CSF2RB: variants seen among roughly 807,000 people sequenced by gnomAD.
CSF2RB encodes colony stimulating factor 2 receptor subunit beta.
Under a neutral mutation model 67.2 loss-of-function variants are expected in CSF2RB, and 22 were observed. That is an observed-to-expected ratio of 0.33 (90% CI 0.23 to 0.47). The LOEUF (loss-of-function observed/expected upper bound fraction) is 0.47. Among genes scored for constraint, CSF2RB ranks in the 20% least tolerant of loss-of-function variants. The probability of loss-of-function intolerance (pLI) is 1.00; values close to 1 mark genes in which losing one functional copy is unlikely to be tolerated. For missense variants in CSF2RB, 1,113 were observed against 1,174.5 expected (o/e 0.95, Z 0.76); for synonymous variants, 507 against 482.9 (o/e 1.05, Z -0.65).
In CSF2RB at chr22:36,938,337, A is replaced by G. The variant is rs1314180824; in HGVS notation, c.2529A>G (p.Gly843=). 5.0e-6 allele frequency: 8 copies of G among 1,613,866 alleles called. No homozygotes were observed. Among genetic ancestry groups the G allele is most frequent in the Non-Finnish European group, 5.1e-6 (6 of 1,179,988 alleles). ...LSLRSKPSSP[G]PGPEIKNLDQ... is the part of the protein sequence containing the mutation. Reference sequence around the variant, plus strand: ...TCCGGAGTAAACCTTCTTCCCCGGGACCCGGTCCTGAGATCAAGAACCTAG... The same window carrying G: ...TCCGGAGTAAACCTTCTTCCCCGGGGCCCGGTCCTGAGATCAAGAACCTAG... The change falls in exon 14 of 14, where the codon GGA becomes GGG. Residue 843 remains glycine (G), a synonymous_variant. Coordinates refer to ENST00000403662, the MANE Select transcript of CSF2RB (RefSeq NM_000395.3).
intron 4 of CSF2RB, among the ~76,000 whole-genome samples, chr22:36,928,510 CAG>C (rs1209734828): frequency 6.6e-6 from 1 of 152,170 alleles, no homozygotes; most frequent in Non-Finnish European, 1.5e-5. Flanking sequence ...CCATGTCCAG[CAG>C]AGAGCACTTA....
At chr22:36,933,684 A>C in intron 9 of CSF2RB, 148 bp from the exon 10 acceptor site, 5 of 1,064,742 alleles carry the variant, frequency 4.7e-6, no homozygotes, top group South Asian at 1.4e-5. Flanking sequence ...GCCCTCAGGG[A>C]GGATCCACGG....
chr22:36,935,360 T>A lies in CSF2RB; in HGVS notation c.1325T>A (p.Met442Lys). The change falls in exon 11 of 14, where the codon ATG (methionine) becomes AAG (lysine). Residue 442 changes from methionine to lysine, a missense_variant. This residue lies in a region of CSF2RB where 559 missense variants were observed against 656.5 expected (regional missense o/e 0.85). Transcript: ENST00000403662. ...RSWDTESVLP[M>K]WVLALIVIFL... is the part of the protein sequence containing the mutation. The stretch of plus-strand genomic sequence containing the variant: ...CCCCGGCTGCTGGAAGTGCTGCCTA[T>A]GTGGGTGCTGGCCCTCATCGTGATC... 1 of 1,614,138 alleles carries A rather than the reference T, an allele frequency of 6.2e-7. No homozygotes were observed. Among genetic ancestry groups the A allele is most frequent in the Non-Finnish European group, 8.5e-7 (1 of 1,180,008 alleles).
chr22:36,938,703 A>G lies in CSF2RB; in HGVS notation c.*201A>G. ...CCTGCGCTCACACAGACACACACAC[A>G]CACACGTACATGCACACATTTTTCC... is the stretch of plus-strand genomic sequence containing the variant. On this transcript the variant is annotated 3_prime_UTR_variant, in exon 14 of 14. Transcript: ENST00000403662. 1 of 597,276 alleles carries G rather than the reference A, an allele frequency of 1.7e-6. No homozygotes were observed. The highest frequency in any genetic ancestry group is 2.2e-5 in the South Asian group (1 of 46,210). 37.0% of individuals were successfully genotyped at this position (597,276 alleles called of 1,614,324 possible). A position where few individuals can be genotyped will look rare whatever the true frequency, so the allele number is the denominator to read the frequency against.
chr22:36,936,253 G>A (rs1941263717), intron 12 of CSF2RB, among the ~76,000 whole-genome samples: 1 of 152,098 alleles, frequency 6.6e-6, no homozygotes, highest in African/African-American at 2.4e-5. Flanking sequence ...CCTGTGGAGG[G>A]GTCTCTTGGC....
intron 4 of CSF2RB, among the ~76,000 whole-genome samples, chr22:36,926,816 C>G (rs1941027492): frequency 6.6e-6 from 1 of 152,162 alleles, no homozygotes; most frequent in South Asian, 2.1e-4. Context: ...GTCCTGGATT[C>G]AAGGAAATGG....
intron 6 of CSF2RB, 77 bp from the exon 7 acceptor site, chr22:36,930,298 A>C: frequency 6.3e-7 from 1 of 1,588,498 alleles, no homozygotes; most frequent in Non-Finnish European, 8.6e-7. Flanking sequence ...CTGTGTGATG[A>C]ATCACACGGT....
intron 1 of CSF2RB, among the ~76,000 whole-genome samples, chr22:36,915,319 A>C (rs964549517): frequency 6.6e-6 from 1 of 152,098 alleles, no homozygotes; most frequent in African/African-American, 2.4e-5. Flanking sequence ...TCCTGACCTC[A>C]GATGATCCGC....
At chr22:36,924,903 G>T in intron 3 of CSF2RB, among the ~76,000 whole-genome samples, 1 of 152,090 alleles carries the variant, frequency 6.6e-6, no homozygotes, top group Non-Finnish European at 1.5e-5. Context: ...CCTCCTCTCT[G>T]CTGTATCCAC....
In CSF2RB at chr22:36,915,422, TTATA is replaced by T. The variant is rs35022648; in HGVS notation, c.-173+1761_-173+1764del. Among the ~76,000 whole-genome samples the T allele has an allele frequency of 5.3e-3, 782 of 146,398 alleles. 5 individuals are homozygous for T. The highest frequency in any genetic ancestry group is 0.019 in the African/African-American group (754 of 40,384). On this transcript the variant is annotated intron_variant, in intron 1 of 13. Transcript: ENST00000403662. ...TTTTACAGAAATGGGATTATTTTAT[TTATA>T]TATATATATATATATTCCTAATTTT...
rs73405902 is a variant in CSF2RB at position 36,936,607 on chromosome 22, C to T, written c.1523C>T (p.Pro508Leu). The change falls in exon 13 of 14, where the codon CCC becomes CTC. Residue 508 changes from proline (P) to leucine (L), a missense_variant. Transcript: ENST00000403662. ...ATGTCGGCCTTCACTAGCGGGAGTCCCCCACACCAGGGGCCGTGGGGCAGC... is the reference window on the plus strand; with the variant it reads ...ATGTCGGCCTTCACTAGCGGGAGTCTCCCACACCAGGGGCCGTGGGGCAGC... The part of the protein sequence containing the change: ...GSMSAFTSGS[P>L]PHQGPWGSRF... 2 of 1,613,604 alleles carry T rather than the reference C, an allele frequency of 1.2e-6. No homozygotes were observed. Among genetic ancestry groups the T allele is most frequent in the South Asian group, 2.2e-5 (2 of 91,068 alleles).
At chr22:36,930,950 A>T in intron 8 of CSF2RB, 120 bp downstream of exon 8, 1 of 1,280,834 alleles carries the variant, frequency 7.8e-7, no homozygotes, top group Non-Finnish European at 1.1e-6. Flanking sequence ...TTTCAAAGAG[A>T]TGCAGTCCAG....
chr22:36,935,367 G>A lies in CSF2RB; in HGVS notation c.1332G>A (p.Val444=). The A allele has an allele frequency of 1.2e-6, 2 of 1,614,238 alleles. No individual in the cohort carries two copies. The highest frequency in any genetic ancestry group is 1.3e-5 in the African/African-American group (1 of 75,056). The stretch of plus-strand genomic sequence containing the variant: ...TGCTGGAAGTGCTGCCTATGTGGGT[G>A]CTGGCCCTCATCGTGATCTTCCTCA... ...WDTESVLPMW[V]LALIVIFLTI... The change falls in exon 11 of 14, where the codon GTG becomes GTA. Residue 444 remains valine (V), a synonymous_variant. Coordinates refer to ENST00000403662, the MANE Select transcript of CSF2RB (RefSeq NM_000395.3).
intron 3 of CSF2RB, among the ~76,000 whole-genome samples, chr22:36,925,609 C>T (rs1940996694): frequency 6.6e-6 from 1 of 152,194 alleles, no homozygotes; most frequent in Non-Finnish European, 1.5e-5. Flanking sequence ...CGTGCTGTTC[C>T]CATTTCCTGA....
chr22:36,934,065 C>T, intron 10 of CSF2RB, 71 bp downstream of exon 10: 1 of 1,581,598 alleles, frequency 6.3e-7, no homozygotes, highest in Non-Finnish European at 8.6e-7. Context: ...AGAAAATCCC[C>T]AATGCAGCAG....
At chr22:36,915,233 A>C (rs1807545) in intron 1 of CSF2RB, among the ~76,000 whole-genome samples, 64,820 of 151,760 alleles carry the variant, frequency 0.43, 16,344 homozygotes, top group Admixed American at 0.57. Flanking sequence ...TACAGGCATG[A>C]GCCACCACAC....
rs369887487 is a variant in CSF2RB at position 36,932,847 on chromosome 22, C to T, written c.1095C>T (p.Tyr365=). 1.2e-5 allele frequency: 19 copies of T among 1,614,046 alleles called. No homozygotes were observed. The highest frequency in any genetic ancestry group is 8.0e-5 in the African/African-American group (6 of 74,932). The part of the protein sequence containing the change: ...SLRWETMKMR[Y]EHIDHTFEIQ... The stretch of plus-strand genomic sequence containing the variant: ...GCTGGGAAACAATGAAAATGCGATA[C>T]GAACACATAGACCACACATTTGAGA... The change falls in exon 9 of 14, where the codon TAC becomes TAT. Residue 365 remains tyrosine, a synonymous_variant. Transcript: ENST00000403662.
In CSF2RB at chr22:36,937,907, G is replaced by A. The variant is rs974700177; in HGVS notation, c.2099G>A (p.Gly700Glu). ...DSPVAIPMSS[G>E]DTEDPGVASG... ...CCTGTGGCTATACCCATGAGCTCTG[G>A]GGACACTGAGGACCCTGGAGTGGCC... The change falls in exon 14 of 14, where the codon GGG becomes GAG. Residue 700 changes from glycine (G) to glutamate (E), a missense_variant. Around this residue, in one of 2 missense-constraint regions of CSF2RB, gnomAD observed 554 missense variants for 517.9 expected, o/e 1.07. Transcript: ENST00000403662. The surrounding 1 kb of genome is among the most constrained non-coding windows in gnomAD (Gnocchi z 4.6). The A allele has an allele frequency of 2.5e-6, 4 of 1,614,028 alleles. No homozygotes were observed. Among genetic ancestry groups the A allele is most frequent in the African/African-American group, 2.7e-5 (2 of 74,910 alleles).
At chr22:36,924,100 C>T (rs747139447) in intron 3 of CSF2RB, among the ~76,000 whole-genome samples, 1 of 152,006 alleles carries the variant, frequency 6.6e-6, no homozygotes, top group African/African-American at 2.4e-5. Context: ...GGGGCGGGGC[C>T]GGCTCTGCCA....
Sources: allele counts gnomAD v4.1 joint callset (sites outside exome capture counted in the v4.1 genomes callset), GRCh38; gene constraint gnomAD v4.1.1; regional missense constraint gnomAD v4.1.1; non-coding constraint Gnocchi (gnomAD v3.1); transcripts MANE v1.5; gene names NCBI Gene and HGNC (gene_info 2026-07-23, HGNC 2026-07-21).